Variants in SYT1 observed in about 807,000 individuals in gnomAD.
The protein encoded by SYT1 is synaptotagmin 1, also known as synaptotagmin-1.
Under a neutral mutation model 44.8 loss-of-function variants are expected in SYT1, and 8 were observed. The ratio of observed to expected loss-of-function variants is 0.18; its 90% CI spans 0.10 to 0.32. The LOEUF (loss-of-function observed/expected upper bound fraction) is 0.32. SYT1 is among the 10% of genes least tolerant of loss of function. SYT1 has a pLI of 1.00. For synonymous variants in SYT1, 154 were observed against 188.8 expected, an observed-to-expected ratio of 0.82 and a Z score of 1.51; for missense variants, 286 against 509.3, an observed-to-expected ratio of 0.56 and a Z score of 4.22.
chr12:79,116,628 C>T (rs1045011634), intron 3 of SYT1, among the ~76,000 whole-genome samples: 2 of 152,144 alleles, frequency 1.3e-5, no homozygotes, highest in Admixed American at 1.3e-4. Context: ...CCAGGCTTGC[C>T]CTCTGCCATT....
chr12:79,178,931 T>TATATAGATATAG (rs367925795), intron 3 of SYT1, among the ~76,000 whole-genome samples: 2 of 51,732 alleles, frequency 3.9e-5, no homozygotes, highest in Non-Finnish European at 6.5e-5. Flanking sequence ...TAGATATATC[T>TATATAGATATAG]ATATAGATAT....
At chr12:79,035,260 C>T (rs181238918) in intron 2 of SYT1, among the ~76,000 whole-genome samples, 12 of 151,774 alleles carry the variant, frequency 7.9e-5, no homozygotes, top group Admixed American at 2.0e-4. Context: ...CAGTCTTAGG[C>T]GTGTATAGAG....
intron 3 of SYT1, among the ~76,000 whole-genome samples, chr12:79,144,732 A>G (rs918645159): frequency 6.6e-6 from 1 of 152,204 alleles, no homozygotes; most frequent in East Asian, 1.9e-4. Context: ...GGCGTGGGAT[A>G]AGCTTCTAAT....
chr12:78,867,874 T>C (rs1276085730), intron 1 of SYT1, among the ~76,000 whole-genome samples: 1 of 151,962 alleles, frequency 6.6e-6, no homozygotes, highest in Admixed American at 6.6e-5. Context: ...AATTATATGC[T>C]TGTATTAATT....
chr12:78,989,689 C>T, intron 2 of SYT1, among the ~76,000 whole-genome samples: 1 of 152,088 alleles, frequency 6.6e-6, no homozygotes, highest in Non-Finnish European at 1.5e-5. Flanking sequence ...ACAGCAAATG[C>T]CCATCCCTAT....
chr12:79,382,512 A>G, intron 9 of SYT1, among the ~76,000 whole-genome samples: 1 of 152,184 alleles, frequency 6.6e-6, no homozygotes, highest in East Asian at 1.9e-4. Flanking sequence ...TTACTAATAG[A>G]TAATAAAGAA....
At chr12:78,975,446 G>C (rs992526485) in intron 1 of SYT1, among the ~76,000 whole-genome samples, 4 of 152,086 alleles carry the variant, frequency 2.6e-5, no homozygotes, top group Non-Finnish European at 5.9e-5. Flanking sequence ...GAGAATTAAA[G>C]AATAAATTTC....
At chr12:79,005,720 A>C (rs1486427821) in intron 2 of SYT1, among the ~76,000 whole-genome samples, 1 of 152,162 alleles carries the variant, frequency 6.6e-6, no homozygotes, top group East Asian at 1.9e-4. Flanking sequence ...AGCATTGGCC[A>C]TGCAGTTTAC....
chr12:79,432,726 G>T (rs149064816), intron 9 of SYT1, among the ~76,000 whole-genome samples: 562 of 152,218 alleles, frequency 3.7e-3, no homozygotes, highest in African/African-American at 0.012. Context: ...CAATTCTCCT[G>T]GGCCAGCCTC....
At chr12:78,931,161 GAAA>G (rs1395173066) in intron 1 of SYT1, among the ~76,000 whole-genome samples, 7 of 120,792 alleles carry the variant, frequency 5.8e-5, no homozygotes, top group African/African-American at 2.1e-4. Flanking sequence ...AAAGTCTGTG[GAAA>G]GAAAGAAAGA....
chr12:79,222,071 T>C (rs1293267376), intron 4 of SYT1, among the ~76,000 whole-genome samples: 1 of 152,222 alleles, frequency 6.6e-6, no homozygotes, highest in African/African-American at 2.4e-5. Flanking sequence ...CTGGGTACAC[T>C]ATTCTCTGTT....
At chr12:78,915,887 A>C (rs1403017250) in intron 1 of SYT1, among the ~76,000 whole-genome samples, 1 of 152,010 alleles carries the variant, frequency 6.6e-6, no homozygotes, top group East Asian at 1.9e-4. Context: ...TTTTCATCCC[A>C]AATTCTATAT....
chr12:79,152,884 A>G (rs1200479662), intron 3 of SYT1, among the ~76,000 whole-genome samples: 1 of 151,688 alleles, frequency 6.6e-6, no homozygotes, highest in Non-Finnish European at 1.5e-5. Context: ...TGTAAAAAAA[A>G]AAAAAAAAGT....
intron 3 of SYT1, among the ~76,000 whole-genome samples, chr12:79,080,909 T>C (rs560078246): frequency 9.9e-5 from 15 of 152,126 alleles, no homozygotes; most frequent in African/African-American, 1.4e-4. Context: ...GGATGTGAGA[T>C]TGGAGAGTGT....
At chr12:79,439,510 C>G (rs1431524700) in intron 9 of SYT1, among the ~76,000 whole-genome samples, 1 of 152,100 alleles carries the variant, frequency 6.6e-6, no homozygotes. Flanking sequence ...AATGGGAAGA[C>G]TCTTTCCCAT....
At chr12:79,381,936 C>G (rs1271454962) in intron 9 of SYT1, among the ~76,000 whole-genome samples, 1 of 152,148 alleles carries the variant, frequency 6.6e-6, no homozygotes, top group Non-Finnish European at 1.5e-5. Context: ...GGGCGTCTAT[C>G]TGGCTAGGTA....
chr12:78,966,637 G>A (rs892550266), intron 1 of SYT1, among the ~76,000 whole-genome samples: 3 of 152,152 alleles, frequency 2.0e-5, no homozygotes, highest in African/African-American at 7.2e-5. Flanking sequence ...TTGATGAGGT[G>A]TCACCTATTT....
At chr12:78,954,598 C>T (rs1046201094) in intron 1 of SYT1, among the ~76,000 whole-genome samples, 2 of 151,818 alleles carry the variant, frequency 1.3e-5, no homozygotes, top group African/African-American at 2.4e-5. Flanking sequence ...CTAATTTAAG[C>T]TTCATCAGTT....
intron 3 of SYT1, among the ~76,000 whole-genome samples, chr12:79,064,656 A>G (rs1488561609): frequency 6.6e-6 from 1 of 152,176 alleles, no homozygotes; most frequent in East Asian, 1.9e-4. Flanking sequence ...ACATATTACC[A>G]TATTAAGATA....
Sources: allele counts gnomAD v4.1 joint callset (sites outside exome capture counted in the v4.1 genomes callset), GRCh38; gene constraint gnomAD v4.1.1; transcripts MANE v1.5; gene names NCBI Gene and HGNC (gene_info 2026-07-23, HGNC 2026-07-21).